GFRA1: variants seen among roughly 807,000 people sequenced by gnomAD.
The protein encoded by GFRA1 is GDNF family receptor alpha 1.
A neutral mutation model predicts 51.6 loss-of-function variants in GFRA1; 16 were observed. That is an observed-to-expected ratio of 0.31 (90% CI 0.21 to 0.47). The LOEUF (loss-of-function observed/expected upper bound fraction) is 0.47. Ranked by LOEUF, GFRA1 falls within the 20% of genes least tolerant of loss-of-function variation. The pLI is 1.00. For missense variants in GFRA1, 530 were observed against 594.3 expected, an observed-to-expected ratio of 0.89 and a Z score of 1.13; for synonymous variants, 270 against 241.3, an observed-to-expected ratio of 1.12 and a Z score of -1.10.
Position 116,104,038 on chromosome 10 carries a change from C to T in GFRA1, c.771-7274G>A, listed in dbSNP as rs187627357. Among the ~76,000 whole-genome samples the T allele has an allele frequency of 2.7e-3, 407 of 152,212 alleles. 1 individual carries two copies. Among genetic ancestry groups the T allele is most frequent in the African/African-American group, 9.4e-3 (391 of 41,522 alleles). On this transcript the variant is annotated intron_variant, in intron 6 of 10. Transcript: ENST00000355422. The stretch of plus-strand genomic sequence containing the variant: ...CCCCACCTAGGACTGAGTGTGGAGA[C>T]GCAAAGGGTCTGGGGAGGTCCACAT...
chr10:116,198,826 G>C (rs2577377), intron 5 of GFRA1, among the ~76,000 whole-genome samples: 26,611 of 152,100 alleles, frequency 0.17, 3,631 homozygotes, highest in African/African-American at 0.38. Context: ...TTCTCCCCTC[G>C]AACCTCAGCA....
At chr10:116,269,228 A>T (rs1222932097) in intron 4 of GFRA1, among the ~76,000 whole-genome samples, 1 of 146,508 alleles carries the variant, frequency 6.8e-6, no homozygotes, top group African/African-American at 2.4e-5. Context: ...GGCCAATCAT[A>T]TTTTAATGTG....
At chr10:116,210,210 T>C (rs1965083242) in intron 5 of GFRA1, among the ~76,000 whole-genome samples, 1 of 152,144 alleles carries the variant, frequency 6.6e-6, no homozygotes, top group Non-Finnish European at 1.5e-5. Flanking sequence ...CGCTCACCAT[T>C]GTGTGTAGAA....
chr10:116,174,093 A>C (rs1283444049), intron 5 of GFRA1, among the ~76,000 whole-genome samples: 1 of 151,916 alleles, frequency 6.6e-6, no homozygotes, highest in Non-Finnish European at 1.5e-5. Flanking sequence ...AAAAAAAGTC[A>C]GTCAGTGGCT....
At chr10:116,090,028 G>C in intron 8 of GFRA1, 106 bp from the exon 9 acceptor site, 1 of 1,054,808 alleles carries the variant, frequency 9.5e-7, no homozygotes, top group Non-Finnish European at 1.4e-6. Context: ...TTATAGCATT[G>C]GACTTCTCTG....
At chr10:116,217,785 G>A (rs3781552) in intron 4 of GFRA1, among the ~76,000 whole-genome samples, 56,268 of 151,916 alleles carry the variant, frequency 0.37, 12,274 homozygotes, top group East Asian at 0.55. Flanking sequence ...TAATTTTTGC[G>A]GAGACAAAAT....
intron 5 of GFRA1, among the ~76,000 whole-genome samples, chr10:116,129,808 G>C (rs1958029894): frequency 6.6e-6 from 1 of 151,940 alleles, no homozygotes; most frequent in Non-Finnish European, 1.5e-5. Context: ...AGGCATATGT[G>C]ATTTTTCATT....
At chr10:116,273,960 C>G (rs1019172806), upstream of GFRA1, among the ~76,000 whole-genome samples, 1 of 152,214 alleles carries the variant, frequency 6.6e-6, no homozygotes, top group African/African-American at 2.4e-5. Flanking sequence ...CTACCTCTCT[C>G]CTGGAGCTCC....
At chr10:116,224,031 C>T (rs868509460) in intron 4 of GFRA1, among the ~76,000 whole-genome samples, 2 of 152,162 alleles carry the variant, frequency 1.3e-5, no homozygotes, top group Admixed American at 6.5e-5. Context: ...AACAGAGCAT[C>T]GCTCACTAGG....
At chr10:116,082,474 T>C (rs532992123) in intron 9 of GFRA1, among the ~76,000 whole-genome samples, 2 of 121,752 alleles carry the variant, frequency 1.6e-5, no homozygotes, top group African/African-American at 1.1e-4. Flanking sequence ...GCTTTTGTTT[T>C]TTTTGTTTTT....
rs529898399 is a variant in GFRA1 at position 116,215,695 on chromosome 10, G to T, written c.419-4050C>A. Among the ~76,000 whole-genome samples, 5 of 152,286 alleles carry T rather than the reference G, an allele frequency of 3.3e-5. No individual in the cohort carries two copies. The South Asian group carries it at 8.3e-4, about 25-fold the overall frequency. On this transcript the variant is annotated intron_variant, in intron 4 of 10. Transcript: ENST00000355422. ...TTGGAAATCATGCCAGTATGGAGTGGGGAATTGCCAGTGGCCGCTCTAGCC... is the reference window on the plus strand; with the variant it reads ...TTGGAAATCATGCCAGTATGGAGTGTGGAATTGCCAGTGGCCGCTCTAGCC...
chr10:116,205,926 TCACACACACACACACACACA>T (rs55780139), intron 5 of GFRA1, among the ~76,000 whole-genome samples: 34 of 142,582 alleles, frequency 2.4e-4, no homozygotes, highest in African/African-American at 7.2e-4. Flanking sequence ...TTTCCTCATA[TCACACACACACACACACACA>T]CACACACACA....
rs150966535 is a variant in GFRA1, at chr10:116,266,286, C to T, written c.418+3217G>A. Among the ~76,000 whole-genome samples, 27 of 152,294 alleles carry T rather than the reference C, an allele frequency of 1.8e-4. No individual in the cohort carries two copies. In the Middle Eastern group the frequency reaches 0.01, roughly 58 times the overall value. On this transcript the variant is annotated intron_variant, in intron 4 of 10. Coordinates refer to ENST00000355422, the MANE Select transcript of GFRA1 (RefSeq NM_005264.8). ...TCCAAACATGGAAAGTGATTGCTAC[C>T]ATATCTGTGAAAAGCAGAGACACTG...
chr10:116,075,003 G>A (rs190464240), intron 9 of GFRA1, among the ~76,000 whole-genome samples: 133 of 152,266 alleles, frequency 8.7e-4, no homozygotes, highest in Non-Finnish European at 1.6e-3. Context: ...TGGTGCAGAC[G>A]TCCTATTCCT....
intron 4 of GFRA1, among the ~76,000 whole-genome samples, chr10:116,249,874 T>C (rs1968178753): frequency 6.6e-6 from 1 of 151,934 alleles, no homozygotes; most frequent in Non-Finnish European, 1.5e-5. Flanking sequence ...ATCTACAAAA[T>C]AGCTGAGGAT....
chr10:116,179,239 CTAAT>C (rs1961968687), intron 5 of GFRA1, among the ~76,000 whole-genome samples: 1 of 152,206 alleles, frequency 6.6e-6, no homozygotes, highest in Non-Finnish European at 1.5e-5. Flanking sequence ...AAAATGGTAA[CTAAT>C]TAAGTCTTCA....
At chr10:116,196,726 A>T (rs1417254569) in intron 5 of GFRA1, among the ~76,000 whole-genome samples, 1 of 104,846 alleles carries the variant, frequency 9.5e-6, no homozygotes, top group Non-Finnish European at 1.8e-5. Flanking sequence ...TACTATATAT[A>T]ATATATAATA....
At chr10:116,248,118 G>A (rs1310845561) in intron 4 of GFRA1, among the ~76,000 whole-genome samples, 2 of 152,230 alleles carry the variant, frequency 1.3e-5, no homozygotes, top group Non-Finnish European at 2.9e-5. Flanking sequence ...GGAGCCGACT[G>A]TGTGCTCCAC....
intron 5 of GFRA1, among the ~76,000 whole-genome samples, chr10:116,174,788 ACTAT>A (rs1440006045): frequency 3.9e-5 from 6 of 152,208 alleles, no homozygotes; most frequent in Admixed American, 1.3e-4. Context: ...ATCTTTAAAA[ACTAT>A]CTATATGGGT....
Sources: gnomAD v4.1 joint callset for allele counts (sites outside exome capture counted in the v4.1 genomes callset) on GRCh38, gnomAD v4.1.1 for gene constraint, MANE v1.5 for transcripts, NCBI Gene and HGNC (gene_info 2026-07-23, HGNC 2026-07-21) for gene names.